The following PACRG variants were observed in gnomAD, a reference collection of about 807,000 sequenced individuals.
PACRG encodes the protein parkin coregulated, also known as parkin coregulated gene protein.
Under a neutral mutation model 29.7 loss-of-function variants are expected in PACRG, and 29 were observed. That is an observed-to-expected ratio of 0.98 (90% CI 0.73 to 1.33). The LOEUF (loss-of-function observed/expected upper bound fraction) is 1.33. PACRG is among the 40% of genes most tolerant of loss of function. PACRG has a pLI of 0.00. For synonymous variants in PACRG, 116 were observed against 118.7 expected (o/e 0.98, Z 0.15); for missense variants, 279 against 316.2 (o/e 0.88, Z 0.89).
intron 4 of PACRG, among the ~76,000 whole-genome samples, chr6:163,293,499 C>T (rs571171620): frequency 2.0e-5 from 3 of 152,244 alleles, no homozygotes; most frequent in Non-Finnish European, 2.9e-5. Flanking sequence ...TGTCCCAGGC[C>T]GACTGCTGAC....
intron 2 of PACRG, among the ~76,000 whole-genome samples, chr6:162,925,822 A>T (rs1169157408): frequency 6.6e-6 from 1 of 152,006 alleles, no homozygotes; most frequent in African/African-American, 2.4e-5. Flanking sequence ...AAGCAAGAGA[A>T]AGAAATCAAG....
In PACRG at chr6:162,733,408, T is replaced by C. The variant is rs191294661; in HGVS notation, c.156+5017T>C. Among the ~76,000 whole-genome samples, 304 of 152,362 alleles carry C rather than the reference T, an allele frequency of 2.0e-3. 4 individuals carry two copies. Among genetic ancestry groups the C allele is most frequent in the Middle Eastern group, 0.01 (3 of 294 alleles). ...GTGTATTCAATAAATATTTGATGAA[T>C]GAAGGAAAGCAATTCTACCCTTTCT... On this transcript the variant is annotated intron_variant, in intron 1 of 4. Coordinates refer to ENST00000366888, the MANE Select transcript of PACRG (RefSeq NM_001080379.2).
At chr6:163,266,099 A>G (rs1209501329) in intron 4 of PACRG, among the ~76,000 whole-genome samples, 2 of 152,252 alleles carry the variant, frequency 1.3e-5, no homozygotes, top group Admixed American at 1.3e-4. Context: ...AATATGTTAA[A>G]GCCATTATAA....
At chr6:163,000,491 G>T (rs1804485907) in intron 2 of PACRG, among the ~76,000 whole-genome samples, 1 of 152,160 alleles carries the variant, frequency 6.6e-6, no homozygotes, top group African/African-American at 2.4e-5. Context: ...ACAGAAGAGA[G>T]TGTGGTGGCA....
chr6:162,740,398 C>T (rs1347875198), intron 1 of PACRG, among the ~76,000 whole-genome samples: 1 of 151,432 alleles, frequency 6.6e-6, no homozygotes, highest in Non-Finnish European at 1.5e-5. Flanking sequence ...GCAAGCTCCA[C>T]CTTCCGGGTT....
chr6:163,283,525 G>T (rs981252904), intron 4 of PACRG, among the ~76,000 whole-genome samples: 12 of 152,274 alleles, frequency 7.9e-5, no homozygotes, highest in South Asian at 6.2e-4. Context: ...TTAGGGCCGG[G>T]CGCGGTGGCT....
intron 2 of PACRG, among the ~76,000 whole-genome samples, chr6:162,981,946 G>A (rs56902751): frequency 0.06 from 8,685 of 143,806 alleles, 644 homozygotes; most frequent in African/African-American, 0.17. Flanking sequence ...TTTTCTGTTA[G>A]TGTTTCAATA....
chr6:163,116,907 G>T (rs1392809451), intron 4 of PACRG, among the ~76,000 whole-genome samples: 2 of 152,152 alleles, frequency 1.3e-5, no homozygotes, highest in Non-Finnish European at 2.9e-5. Flanking sequence ...TGGACGTGGT[G>T]AGTCGGAGGT....
intron 4 of PACRG, among the ~76,000 whole-genome samples, chr6:163,234,843 C>T (rs1782172992): frequency 1.3e-5 from 2 of 152,044 alleles, no homozygotes; most frequent in Admixed American, 1.3e-4. Flanking sequence ...AAACAGAAGC[C>T]AGATTATAAT....
At chr6:162,887,961 G>A (rs1454091259) in intron 2 of PACRG, among the ~76,000 whole-genome samples, 2 of 152,172 alleles carry the variant, frequency 1.3e-5, no homozygotes. Context: ...GGTTCTGGGG[G>A]TGGTAAGTCC....
At chr6:163,173,962 C>T (rs773376891) in intron 4 of PACRG, among the ~76,000 whole-genome samples, 8 of 152,228 alleles carry the variant, frequency 5.3e-5, no homozygotes, top group Non-Finnish European at 1.0e-4. Context: ...ACAGTTATGA[C>T]TCAAGGCACA....
chr6:162,747,355 T>C lies in PACRG; in HGVS notation c.156+18964T>C, dbSNP rs1360912657. Among the ~76,000 whole-genome samples the C allele has an allele frequency of 1.2e-3, 89 of 73,688 alleles. 9 individuals are homozygous for C. The highest frequency in any genetic ancestry group is 2.6e-3 in the South Asian group (4 of 1,546). 48.3% of individuals were successfully genotyped at this position (73,688 alleles called of 152,430 possible). A position where few individuals can be genotyped will look rare whatever the true frequency, so the allele number is the denominator to read the frequency against. On this transcript the variant is annotated intron_variant, in intron 1 of 4. Transcript: ENST00000366888. Reference sequence around the variant, plus strand: ...ATATATATATATATATATATATATATATATATATACACATACATATATATG... The same window carrying C: ...ATATATATATATATATATATATATACATATATATACACATACATATATATG...
intron 2 of PACRG, among the ~76,000 whole-genome samples, chr6:163,023,172 G>A (rs967513151): frequency 1.1e-4 from 17 of 152,218 alleles, no homozygotes; most frequent in South Asian, 1.0e-3. Flanking sequence ...TAGGAATCCC[G>A]TCACCCTGGC....
At chr6:163,093,859 A>G (rs1282768238) in intron 4 of PACRG, among the ~76,000 whole-genome samples, 1 of 152,246 alleles carries the variant, frequency 6.6e-6, no homozygotes, top group Non-Finnish European at 1.5e-5. Context: ...TTTAATTCAG[A>G]TGCAGGCACA....
chr6:163,155,565 CTT>C (rs1040629166), intron 4 of PACRG, among the ~76,000 whole-genome samples: 1 of 152,202 alleles, frequency 6.6e-6, no homozygotes, highest in Non-Finnish European at 1.5e-5. Context: ...TCTCTAGAAA[CTT>C]TTTGGAGTGC....
chr6:163,286,552 A>G (rs1784406514), intron 4 of PACRG, among the ~76,000 whole-genome samples: 1 of 152,256 alleles, frequency 6.6e-6, no homozygotes, highest in Admixed American at 6.5e-5. Flanking sequence ...AATTTTCAGA[A>G]TCAATAATAT....
intron 4 of PACRG, among the ~76,000 whole-genome samples, chr6:163,123,030 C>G (rs487123): frequency 0.35 from 52,498 of 152,040 alleles, 9,337 homozygotes; most frequent in South Asian, 0.47. Flanking sequence ...GAGAGTTTAA[C>G]AGGCAAGAAA....
At position 162,761,935 on chromosome 6, in the gene PACRG, C is replaced by CA. The variant is rs60437478; in HGVS notation, c.156+33561dup. 1.2e-3 allele frequency among the ~76,000 whole-genome samples: 90 copies of CA among 75,966 alleles called. 1 individual carries two copies. The highest frequency in any genetic ancestry group is 1.8e-3 in the South Asian group (3 of 1,678). The allele number at this position is 75,966 out of a possible 152,430, so 49.8% of individuals were successfully genotyped here. On this transcript the variant is annotated intron_variant, in intron 1 of 4. Coordinates refer to ENST00000366888, the MANE Select transcript of PACRG (RefSeq NM_001080379.2). ...CTGGTGACACAGCGAGACTCCATCT[C>CA]AAAAAAAAAAAAAAAAAGAAACCCC...
intron 2 of PACRG, among the ~76,000 whole-genome samples, chr6:162,926,358 A>T (rs1400443697): frequency 6.6e-6 from 1 of 151,492 alleles, no homozygotes; most frequent in Non-Finnish European, 1.5e-5. Flanking sequence ...AATCCTAAGC[A>T]AAAAGAACAA....
Sources: gnomAD v4.1 joint callset for allele counts (sites outside exome capture counted in the v4.1 genomes callset) on GRCh38, gnomAD v4.1.1 for gene constraint, MANE v1.5 for transcripts, NCBI Gene and HGNC (gene_info 2026-07-23, HGNC 2026-07-21) for gene names.